PDE8B: variants seen among roughly 807,000 people sequenced by gnomAD.
PDE8B encodes the protein phosphodiesterase 8B.
PDE8B carries 26 observed loss-of-function variants against 101.3 expected under a neutral mutation model. That is an observed-to-expected ratio of 0.26 (90% confidence interval 0.19 to 0.36). The LOEUF (loss-of-function observed/expected upper bound fraction) is 0.36. Ranked by LOEUF, PDE8B falls within the 10% of genes least tolerant of loss-of-function variation. The pLI is 1.00. For synonymous variants in PDE8B, 424 were observed against 429.3 expected, an observed-to-expected ratio of 0.99 and a Z score of 0.15; for missense variants, 810 against 1,163.1, an observed-to-expected ratio of 0.70 and a Z score of 4.42.
upstream of PDE8B, chr5:77,210,580 G>A: frequency 1.0e-6 from 1 of 969,268 alleles, no homozygotes; most frequent in Non-Finnish European, 1.2e-6. This position sits in a 1 kb window ranked among gnomAD's most constrained non-coding sequence, Gnocchi z 4.9. Context: ...GGGCGGCGGC[G>A]GGGGCCGCGC....
chr5:77,415,033 T>C (rs943369069), intron 17 of PDE8B, among the ~76,000 whole-genome samples: 4 of 152,198 alleles, frequency 2.6e-5, no homozygotes, highest in Non-Finnish European at 5.9e-5. Context: ...ATGACAGCAA[T>C]AGAAACAAGT....
At chr5:77,124,449 G>T in the PDE8B span, among the ~76,000 whole-genome samples, 2 of 151,938 alleles carry the variant, frequency 1.3e-5, no homozygotes, top group African/African-American at 4.8e-5. Context: ...TTATTCATGT[G>T]TGGTGGTGCA....
At chr5:77,233,070 CTG>C (rs1055601345) in intron 1 of PDE8B, among the ~76,000 whole-genome samples, 1 of 152,002 alleles carries the variant, frequency 6.6e-6, no homozygotes, top group African/African-American at 2.4e-5. Flanking sequence ...TGATTTCACT[CTG>C]TGGCTTAGTG....
chr5:77,320,162 A>G (rs1774713980), intron 2 of PDE8B, among the ~76,000 whole-genome samples: 1 of 152,192 alleles, frequency 6.6e-6, no homozygotes, highest in African/African-American at 2.4e-5. Flanking sequence ...TATAGAATAT[A>G]AAAATGCAGA....
intron 18 of PDE8B, among the ~76,000 whole-genome samples, chr5:77,419,231 G>A (rs765089827): frequency 6.6e-6 from 1 of 152,154 alleles, no homozygotes; most frequent in Non-Finnish European, 1.5e-5. Flanking sequence ...AGAAAACGAC[G>A]ACAGAATTGG....
chr5:77,426,308 T>C, intron 21 of PDE8B, 137 bp from the exon 22 acceptor site: 1 of 698,102 alleles, frequency 1.4e-6, no homozygotes, highest in Non-Finnish European at 2.6e-6. Flanking sequence ...TAGTGTTTAA[T>C]GACTTGTCCT....
intron 1 of PDE8B, among the ~76,000 whole-genome samples, chr5:77,224,337 A>G (rs1751870081): frequency 6.6e-6 from 1 of 152,194 alleles, no homozygotes; most frequent in South Asian, 2.1e-4. Flanking sequence ...GAAGGCTCAT[A>G]ATTTAACATT....
chr5:77,102,192 T>C, the PDE8B span, among the ~76,000 whole-genome samples: 1 of 152,222 alleles, frequency 6.6e-6, no homozygotes, highest in African/African-American at 2.4e-5. Context: ...AGGCCCCAGA[T>C]ACTGGGCTCA....
chr5:77,099,632 G>A, the PDE8B span, among the ~76,000 whole-genome samples: 1 of 150,994 alleles, frequency 6.6e-6, no homozygotes, highest in African/African-American at 2.4e-5. Context: ...TTCTTTGTGA[G>A]ACGGAGTCTT....
At chr5:77,199,137 A>T in the PDE8B span, among the ~76,000 whole-genome samples, 1 of 152,138 alleles carries the variant, frequency 6.6e-6, no homozygotes, top group Non-Finnish European at 1.5e-5. Context: ...ATTTCTTAAA[A>T]GTGAGAATTA....
intron 1 of PDE8B, among the ~76,000 whole-genome samples, chr5:77,268,113 A>T (rs1762102945): frequency 6.6e-6 from 1 of 151,752 alleles, no homozygotes; most frequent in South Asian, 2.1e-4. Flanking sequence ...TGGTGAAGGG[A>T]TAGTGACTAC....
chr5:77,422,449 A>T (rs373651385), intron 20 of PDE8B, among the ~76,000 whole-genome samples: 1 of 152,224 alleles, frequency 6.6e-6, no homozygotes, highest in Non-Finnish European at 1.5e-5. Context: ...AGTTTATGTT[A>T]AGTGCTACAG....
upstream of PDE8B, among the ~76,000 whole-genome samples, chr5:77,207,797 G>C (rs569019465): frequency 6.6e-6 from 1 of 152,248 alleles, no homozygotes; most frequent in Non-Finnish European, 1.5e-5. Flanking sequence ...ATGGGGGCAG[G>C]TTGCACATTC....
the PDE8B span, among the ~76,000 whole-genome samples, chr5:77,193,440 C>T: frequency 6.6e-6 from 1 of 152,146 alleles, no homozygotes; most frequent in Non-Finnish European, 1.5e-5. Flanking sequence ...CTATACTTTC[C>T]AAATTAAGTT....
intron 11 of PDE8B, 120 bp from the exon 12 acceptor site, chr5:77,404,595 ATTATT>A: frequency 1.5e-6 from 1 of 655,280 alleles, no homozygotes; most frequent in Non-Finnish European, 2.7e-6. Flanking sequence ...GTTTCTTAAA[ATTATT>A]TTATAGTGCT....
intron 1 of PDE8B, among the ~76,000 whole-genome samples, chr5:77,275,123 G>T (rs1292168896): frequency 6.6e-6 from 1 of 152,190 alleles, no homozygotes; most frequent in Non-Finnish European, 1.5e-5. Flanking sequence ...TACTTGGGAG[G>T]CTGAAGCAGG....
chr5:77,158,821 GAGGGACCATCTCTTCC>G, the PDE8B span, among the ~76,000 whole-genome samples: 2 of 152,188 alleles, frequency 1.3e-5, no homozygotes, highest in African/African-American at 4.8e-5. Context: ...ACCTGAGAAA[GAGGGACCATCTCTTCC>G]AGTTCTTGGG....
intron 1 of PDE8B, among the ~76,000 whole-genome samples, chr5:77,240,514 T>C (rs1755559754): frequency 1.3e-5 from 2 of 152,338 alleles, no homozygotes; most frequent in Admixed American, 6.5e-5. Context: ...GACAGGATTC[T>C]ACTCATGTAG....
the PDE8B span, among the ~76,000 whole-genome samples, chr5:77,195,010 CA>C: frequency 6.6e-6 from 1 of 152,172 alleles, no homozygotes; most frequent in African/African-American, 2.4e-5. Context: ...TAGGAACTGC[CA>C]AACTGTTCTC....
Sources: gnomAD v4.1 joint callset for allele counts (sites outside exome capture counted in the v4.1 genomes callset) on GRCh38, gnomAD v4.1.1 for gene constraint, Gnocchi (gnomAD v3.1) non-coding constraint, MANE v1.5 for transcripts, NCBI Gene and HGNC (gene_info 2026-07-23, HGNC 2026-07-21) for gene names.